BRDT: variants seen among roughly 807,000 people sequenced by gnomAD.
BRDT encodes the protein bromodomain testis associated, also known as bromodomain testis-specific protein.
A neutral mutation model predicts 113.9 loss-of-function variants in BRDT; 77 were observed. That is an observed-to-expected ratio of 0.68 (90% CI 0.56 to 0.82). The LOEUF (loss-of-function observed/expected upper bound fraction) is 0.82. Among genes scored for constraint, BRDT ranks in the 40% least tolerant of loss-of-function variants. BRDT has a pLI of 0.00. For missense variants in BRDT, 1,027 were observed against 1,105.4 expected (o/e 0.93, Z 1.01); for synonymous variants, 358 against 366.5 (o/e 0.98, Z 0.26).
In BRDT at chr1:91,980,739, G is replaced by T; in HGVS notation, c.1384G>T (p.Glu462Ter). ...KEKSKKEKKK[E>*]KVNNSNENPR... ...GAAGTCTAAAAAGGAAAAGAAAAAA[G>T]AAAAGGTTAATAACAGCAATGAAAA... The change falls in exon 9 of 19, where the codon GAA becomes TAA. Residue 462 changes from glutamate (E) to a stop codon, truncating the protein, a stop_gained. Coordinates refer to ENST00000399546, the MANE Select transcript of BRDT (RefSeq NM_207189.4). LOFTEE classifies it high-confidence loss of function. The T allele has an allele frequency of 1.9e-6, 3 of 1,608,628 alleles. No individual in the cohort carries two copies. Among genetic ancestry groups the T allele is most frequent in the Non-Finnish European group, 2.5e-6 (3 of 1,178,936 alleles).
rs372390778 is a variant in BRDT at position 91,964,780 on chromosome 1, G to C, written c.330+16G>C. The C allele has an allele frequency of 9.3e-6, 13 of 1,399,124 alleles. No individual in the cohort carries two copies. The Admixed American group carries it at 2.9e-4, about 32-fold the overall frequency. The allele number at this position is 1,399,124 out of a possible 1,614,324, so 86.7% of individuals were successfully genotyped here. Reference sequence around the variant, plus strand: ...ATATAACAAGGTATGTAAGCCTTATGTTATACTTGCTAATTCTTTGCCATT... The same window carrying C: ...ATATAACAAGGTATGTAAGCCTTATCTTATACTTGCTAATTCTTTGCCATT... On this transcript the variant is annotated intron_variant, in intron 3 of 18. Coordinates refer to ENST00000399546, the MANE Select transcript of BRDT (RefSeq NM_207189.4).
chr1:91,959,832 C>A (rs114025591), intron 1 of BRDT, among the ~76,000 whole-genome samples: 2 of 152,066 alleles, frequency 1.3e-5, no homozygotes, highest in Non-Finnish European at 2.9e-5. Flanking sequence ...ACATGAAAAT[C>A]GTGAAAGTAG....
At chr1:91,997,622 A>G (rs1686466617) in intron 15 of BRDT, among the ~76,000 whole-genome samples, 1 of 152,226 alleles carries the variant, frequency 6.6e-6, no homozygotes, top group Admixed American at 6.5e-5. Context: ...TATCTATGAA[A>G]AGTCAGGCTT....
chr1:91,949,748 TTCTC>T (rs1557786884), intron 1 of BRDT, 66 bp downstream of exon 1: 1 of 152,308 alleles, frequency 6.6e-6, no homozygotes. Flanking sequence ...AGGGATCTTT[TTCTC>T]TCTCTCCCTC....
At chr1:92,006,346 C>A (rs998832041) in intron 18 of BRDT, among the ~76,000 whole-genome samples, 4 of 151,854 alleles carry the variant, frequency 2.6e-5, no homozygotes, top group African/African-American at 7.3e-5. Context: ...AGCGTTGGCA[C>A]AGTAAAATTC....
At chr1:91,955,114 C>G (rs1006389116) in intron 1 of BRDT, among the ~76,000 whole-genome samples, 1 of 152,066 alleles carries the variant, frequency 6.6e-6, no homozygotes, top group African/African-American at 2.4e-5. Flanking sequence ...CTTAAATTAA[C>G]CAGCATGTTT....
At chr1:91,982,159 C>T (rs995848994) in intron 12 of BRDT, among the ~76,000 whole-genome samples, 4 of 152,126 alleles carry the variant, frequency 2.6e-5, no homozygotes, top group African/African-American at 9.7e-5. Flanking sequence ...TGCAAGGTTG[C>T]CATGTTGTGA....
intron 18 of BRDT, among the ~76,000 whole-genome samples, chr1:92,013,294 T>C (rs1687968710): frequency 1.3e-5 from 2 of 152,070 alleles, no homozygotes; most frequent in Admixed American, 1.3e-4. Context: ...CTAAGGCAGA[T>C]TTAAAGAAAT....
intron 1 of BRDT, chr1:91,950,011 A>C (rs1680876849): frequency 6.6e-6 from 1 of 152,170 alleles, no homozygotes. Flanking sequence ...GCAAGTGGTC[A>C]TTTGGGACGG....
At chr1:91,958,107 C>T (rs7526684) in intron 1 of BRDT, among the ~76,000 whole-genome samples, 4 of 151,842 alleles carry the variant, frequency 2.6e-5, no homozygotes, top group African/African-American at 7.3e-5. Flanking sequence ...CCTTCCAAAG[C>T]GCTGGGATTA....
In BRDT at chr1:91,979,660, C is replaced by CTGG; in HGVS notation, c.1192_1194dup (p.Gly398dup). ...ATCAAAACAGATATCACAGAAACCA[C>CTGG]TGGTAGAGAGAACACTAATGAAGCC... is the stretch of plus-strand genomic sequence containing the variant. On this transcript the variant is annotated inframe_insertion, in exon 8 of 19. Coordinates refer to ENST00000399546, the MANE Select transcript of BRDT (RefSeq NM_207189.4). The CTGG allele has an allele frequency of 6.2e-7, 1 of 1,614,066 alleles. No individual in the cohort carries two copies. The highest frequency in any genetic ancestry group is 8.5e-7 in the Non-Finnish European group (1 of 1,179,978).
chr1:91,963,328 TA>T (rs759633425), intron 2 of BRDT, among the ~76,000 whole-genome samples: 1 of 151,904 alleles, frequency 6.6e-6, no homozygotes, highest in Admixed American at 6.6e-5. Context: ...AAATAAAAAA[TA>T]AAAAAAATTT....
Position 92,005,214 on chromosome 1 carries a change from A to C in BRDT, c.2690A>C (p.Glu897Ala). The C allele has an allele frequency of 6.3e-7, 1 of 1,593,332 alleles. No homozygotes were observed. Among genetic ancestry groups the C allele is most frequent in the African/African-American group, 1.4e-5 (1 of 73,706 alleles). ...CAGAAAGAACATCAGCAGTCATCAG[A>C]AGCTCAAGATAAATCCAAACTCTGG... ...EEQKEHQQSSEAQDKSKLWLL... is the reference protein window; with the variant it reads ...EEQKEHQQSSAAQDKSKLWLL... The change falls in exon 18 of 19, where the codon GAA becomes GCA. Residue 897 changes from glutamate (E) to alanine (A), a missense_variant. Transcript: ENST00000399546.
intron 16 of BRDT, among the ~76,000 whole-genome samples, chr1:92,002,672 G>T (rs1222056448): frequency 2.0e-5 from 3 of 151,992 alleles, no homozygotes; most frequent in Non-Finnish European, 4.4e-5. Flanking sequence ...TGGCCCTTTT[G>T]TTTGTGTTTA....
At chr1:91,951,683 G>A (rs1356976358) in intron 1 of BRDT, among the ~76,000 whole-genome samples, 1 of 152,014 alleles carries the variant, frequency 6.6e-6, no homozygotes, top group Non-Finnish European at 1.5e-5. Context: ...GTGAAGCAGA[G>A]AATTGCTTAA....
chr1:91,967,530 C>T (rs531799117), intron 3 of BRDT, among the ~76,000 whole-genome samples: 1 of 152,296 alleles, frequency 6.6e-6, no homozygotes, highest in African/African-American at 2.4e-5. Context: ...TCCTGAGTAG[C>T]TAGGATTACA....
chr1:91,989,353 T>A (rs778915429), intron 12 of BRDT, among the ~76,000 whole-genome samples: 2 of 152,172 alleles, frequency 1.3e-5, no homozygotes, highest in Non-Finnish European at 2.9e-5. Flanking sequence ...AAACCATAAT[T>A]TCTCCTTTAT....
intron 15 of BRDT, among the ~76,000 whole-genome samples, chr1:92,000,876 G>A (rs1031140153): frequency 6.6e-6 from 1 of 152,194 alleles, no homozygotes; most frequent in Non-Finnish European, 1.5e-5. Flanking sequence ...CAATCTTTTA[G>A]TCATGGCTTG....
chr1:91,997,919 T>C (rs1054356443), intron 15 of BRDT, among the ~76,000 whole-genome samples: 2 of 152,216 alleles, frequency 1.3e-5, no homozygotes, highest in African/African-American at 4.8e-5. Flanking sequence ...TGTTAAACCT[T>C]ACAATTAAAT....
Sources: allele counts gnomAD v4.1 joint callset (sites outside exome capture counted in the v4.1 genomes callset), GRCh38; gene constraint gnomAD v4.1.1; transcripts MANE v1.5; gene names NCBI Gene and HGNC (gene_info 2026-07-23, HGNC 2026-07-21).